The following MACROD1 variants were observed in gnomAD, a reference collection of about 807,000 sequenced individuals.
MACROD1 encodes ADP-ribose glycohydrolase MACROD1.
In MACROD1, 31 loss-of-function variants were observed where a neutral mutation model predicts 41.4. The ratio of observed to expected loss-of-function variants is 0.75; its 90% CI spans 0.56 to 1.01. MACROD1 has a LOEUF of 1.01. MACROD1 is among the 50% of genes least tolerant of loss of function. MACROD1 has a pLI of 0.00. For missense variants in MACROD1, 473 were observed against 460.0 expected, an observed-to-expected ratio of 1.03 and a Z score of -0.26; for synonymous variants, 252 against 203.4, an observed-to-expected ratio of 1.24 and a Z score of -2.03.
At chr11:64,102,372 C>T (rs1944686078) in intron 3 of MACROD1, among the ~76,000 whole-genome samples, 2 of 151,614 alleles carry the variant, frequency 1.3e-5, no homozygotes, top group South Asian at 4.2e-4. Context: ...TGACCCCCCA[C>T]CTAGGAAGTG....
chr11:64,158,508 G>A (rs987495758), intron 1 of MACROD1, among the ~76,000 whole-genome samples: 1 of 152,168 alleles, frequency 6.6e-6, no homozygotes, highest in Non-Finnish European at 1.5e-5. Flanking sequence ...CCCCTAAAGT[G>A]CTGGGATTAC....
intron 4 of MACROD1, among the ~76,000 whole-genome samples, chr11:64,011,373 G>A (rs56687142): frequency 0.17 from 26,454 of 151,634 alleles, 5,528 homozygotes; most frequent in African/African-American, 0.51. Flanking sequence ...GTGTTGGCCA[G>A]GGTGTTGCCT....
intron 3 of MACROD1, among the ~76,000 whole-genome samples, chr11:64,101,159 C>T (rs1254108977): frequency 6.6e-6 from 1 of 152,088 alleles, no homozygotes; most frequent in Non-Finnish European, 1.5e-5. Flanking sequence ...GGGATGACGT[C>T]TGCATGGATT....
rs1029843187 is a variant in MACROD1 at position 64,146,906 on chromosome 11, C to T, written c.517+4333G>A. Among the ~76,000 whole-genome samples, 19 of 150,836 alleles carry T rather than the reference C, an allele frequency of 1.3e-4. No homozygotes were observed. Among genetic ancestry groups the T allele is most frequent in the Non-Finnish European group, 2.1e-4 (14 of 67,744 alleles). ...ACAAACATGCTACATCACAAACACA[C>T]GCACCGCACACATCACACACACAGG... On this transcript the variant is annotated intron_variant, in intron 3 of 10. Transcript: ENST00000255681. This position sits in a 1 kb window ranked among gnomAD's most constrained non-coding sequence, Gnocchi z 4.7.
chr11:64,112,944 T>C lies in MACROD1; in HGVS notation c.517+38295A>G, dbSNP rs181662889. On this transcript the variant is annotated intron_variant, in intron 3 of 10. Transcript: ENST00000255681. ...CACCACGGCAGGGCCCATTCTGTCA[T>C]CGGGTGGTCACTGATGCAAAGCCAT... Among the ~76,000 whole-genome samples the C allele has an allele frequency of 5.9e-5, 9 of 152,342 alleles. No individual in the cohort carries two copies. In the East Asian group the frequency reaches 1.7e-3, roughly 29 times the overall value.
At chr11:64,136,687 C>T (rs1590956979) in intron 3 of MACROD1, among the ~76,000 whole-genome samples, 1 of 152,226 alleles carries the variant, frequency 6.6e-6, no homozygotes, top group Admixed American at 6.5e-5. Context: ...CTGTGAGGGA[C>T]CCGGGTGGCT....
At chr11:64,147,233 C>G (rs1177747265) in intron 3 of MACROD1, among the ~76,000 whole-genome samples, 1 of 151,264 alleles carries the variant, frequency 6.6e-6, no homozygotes, top group African/African-American at 2.4e-5. Flanking sequence ...CCCTACTAAT[C>G]TTTTTTAATT....
In MACROD1 at chr11:64,152,322, T is replaced by C; in HGVS notation, c.370A>G (p.Lys124Glu). 1 of 1,614,242 alleles carries C rather than the reference T, an allele frequency of 6.2e-7. No individual in the cohort carries two copies. The highest frequency in any genetic ancestry group is 1.1e-5 in the South Asian group (1 of 91,090). The change falls in exon 2 of 11, where the codon AAG (lysine) becomes GAG (glutamate). Residue 124 changes from lysine (K) to glutamate (E), a missense_variant. Physicochemically the swap from Lys to Glu is moderately conservative, Grantham distance 56 (BLOSUM62 1). Coordinates refer to ENST00000255681, the MANE Select transcript of MACROD1 (RefSeq NM_014067.4). ...YFCKDFVRLK[K>E]IPTWKEMAKG... ...GCCATCTCCTTCCATGTCGGGATCTTCTTCAGCCTGACAAAGTCCTTGCAG... is the reference window on the plus strand; with the variant it reads ...GCCATCTCCTTCCATGTCGGGATCTCCTTCAGCCTGACAAAGTCCTTGCAG...
At chr11:64,058,804 T>A (rs1213637999) in intron 3 of MACROD1, among the ~76,000 whole-genome samples, 2 of 152,132 alleles carry the variant, frequency 1.3e-5, no homozygotes, top group African/African-American at 4.8e-5. Context: ...CTGGATCCTC[T>A]CTGACGGGTG....
At chr11:64,143,610 G>A (rs943348376) in intron 3 of MACROD1, among the ~76,000 whole-genome samples, 7 of 151,892 alleles carry the variant, frequency 4.6e-5, no homozygotes, top group African/African-American at 1.5e-4. Context: ...ACCCCTCCCC[G>A]CTGTGGCAAA....
In MACROD1 at chr11:64,064,588, C is replaced by T. The variant is rs1943961656; in HGVS notation, c.518-49307G>A. ...TGGCTGACACGGAGCTGGCTTTCTT[C>T]CCTGGCCCTGTTAAAACCCAGAATG... On this transcript the variant is annotated intron_variant, in intron 3 of 10. Coordinates refer to ENST00000255681, the MANE Select transcript of MACROD1 (RefSeq NM_014067.4). This position sits in a 1 kb window ranked among gnomAD's most constrained non-coding sequence, Gnocchi z 4.5. Among the ~76,000 whole-genome samples, 1 of 151,928 alleles carries T rather than the reference C, an allele frequency of 6.6e-6. No homozygotes were observed. The highest frequency in any genetic ancestry group is 1.5e-5 in the Non-Finnish European group (1 of 67,948).
chr11:64,136,025 C>T (rs937603074), intron 3 of MACROD1, among the ~76,000 whole-genome samples: 4 of 152,206 alleles, frequency 2.6e-5, no homozygotes, highest in Non-Finnish European at 1.5e-5. Flanking sequence ...GCAGCCAAAC[C>T]CACCGTCCTG....
chr11:64,126,189 C>T (rs1015245895), intron 3 of MACROD1, among the ~76,000 whole-genome samples: 1 of 152,212 alleles, frequency 6.6e-6, no homozygotes, highest in African/African-American at 2.4e-5. Flanking sequence ...CACCCCACAC[C>T]GCCAGCAGCC....
chr11:64,066,491 C>T (rs1944008503), intron 3 of MACROD1, among the ~76,000 whole-genome samples: 1 of 151,534 alleles, frequency 6.6e-6, no homozygotes, highest in Non-Finnish European at 1.5e-5. Context: ...TGGTGGCATG[C>T]GCCTGTAGTC....
Position 64,070,260 on chromosome 11 carries a change from C to G in MACROD1, c.518-54979G>C, listed in dbSNP as rs551099120. Among the ~76,000 whole-genome samples, 22 of 152,234 alleles carry G rather than the reference C, an allele frequency of 1.4e-4. No homozygotes were observed. The East Asian group carries it at 4.2e-3, about 29-fold the overall frequency. ...CTGAGTCTACTGATCAGAGCCCTAC[C>G]TGGGCTGCCAGTCCTCAGCCCAGCC... On this transcript the variant is annotated intron_variant, in intron 3 of 10. Coordinates refer to ENST00000255681, the MANE Select transcript of MACROD1 (RefSeq NM_014067.4).
intron 3 of MACROD1, among the ~76,000 whole-genome samples, chr11:64,017,196 C>T (rs1165194963): frequency 6.6e-6 from 1 of 152,150 alleles, no homozygotes; most frequent in African/African-American, 2.4e-5. Flanking sequence ...GTATCGTACT[C>T]CTGACCTCAA....
chr11:64,095,165 G>A (rs1944555338), intron 3 of MACROD1, among the ~76,000 whole-genome samples: 1 of 152,254 alleles, frequency 6.6e-6, no homozygotes, highest in African/African-American at 2.4e-5. Flanking sequence ...CCACTCTCGT[G>A]TGAGGTGTGG....
At chr11:64,055,776 C>A (rs956649239) in intron 3 of MACROD1, among the ~76,000 whole-genome samples, 1 of 152,146 alleles carries the variant, frequency 6.6e-6, no homozygotes, top group Non-Finnish European at 1.5e-5. Context: ...GCCTCAGTTT[C>A]CCCTTTCATA....
At chr11:64,044,628 A>G (rs1189577407) in intron 3 of MACROD1, among the ~76,000 whole-genome samples, 1 of 152,154 alleles carries the variant, frequency 6.6e-6, no homozygotes, top group Non-Finnish European at 1.5e-5. Flanking sequence ...CACTTGCCCA[A>G]GGTCACACAG....
Sources: gnomAD v4.1 joint callset for allele counts (sites outside exome capture counted in the v4.1 genomes callset) on GRCh38, gnomAD v4.1.1 for gene constraint, Gnocchi (gnomAD v3.1) non-coding constraint, MANE v1.5 for transcripts, NCBI Gene and HGNC (gene_info 2026-07-23, HGNC 2026-07-21) for gene names.